Variants in SEMA6A observed in about 807,000 individuals in gnomAD.
SEMA6A encodes semaphorin-6A.
A neutral mutation model predicts 96.8 loss-of-function variants in SEMA6A; 25 were observed. That is an observed-to-expected ratio of 0.26 (90% CI 0.19 to 0.36). The LOEUF (loss-of-function observed/expected upper bound fraction) is 0.36, where lower values mean the gene tolerates loss of function less well. Ranked by LOEUF, SEMA6A falls within the 10% of genes least tolerant of loss-of-function variation. The pLI is 1.00. For missense variants in SEMA6A, 1,363 were observed against 1,323.1 expected (o/e 1.03, Z -0.47); for synonymous variants, 612 against 518.0 (o/e 1.18, Z -2.46).
intron 1 of SEMA6A, among the ~76,000 whole-genome samples, chr5:116,572,619 G>C (rs1047603247): frequency 6.6e-6 from 1 of 152,178 alleles, no homozygotes; most frequent in Non-Finnish European, 1.5e-5. Flanking sequence ...CCCGGCCTGT[G>C]TCCACACGCA....
chr5:116,472,938 A>AT (rs1561479317), intron 17 of SEMA6A, 135 bp downstream of exon 17: 1 of 1,528,326 alleles, frequency 6.5e-7, no homozygotes, highest in Admixed American at 2.1e-5. Context: ...TGAAATGTCT[A>AT]TAAAAAAATG....
chr5:116,453,633 G>C (rs940203322), intron 18 of SEMA6A, among the ~76,000 whole-genome samples: 1 of 152,154 alleles, frequency 6.6e-6, no homozygotes, highest in East Asian at 1.9e-4. Flanking sequence ...GAAAGTTCTT[G>C]GTTAATTTAT....
At chr5:116,451,386 G>T (rs1392252041) in intron 18 of SEMA6A, among the ~76,000 whole-genome samples, 3 of 152,186 alleles carry the variant, frequency 2.0e-5, no homozygotes, top group African/African-American at 7.2e-5. Context: ...TGTGCTTCCA[G>T]GTCCAAACTT....
intron 1 of SEMA6A, among the ~76,000 whole-genome samples, chr5:116,536,776 A>T (rs1358206132): frequency 6.9e-6 from 1 of 145,126 alleles, no homozygotes; most frequent in East Asian, 2.2e-4. Context: ...TGTCCGCGGG[A>T]GATGTTCTCA....
chr5:116,544,170 G>A (rs1016663240), intron 1 of SEMA6A, among the ~76,000 whole-genome samples: 4 of 152,162 alleles, frequency 2.6e-5, no homozygotes, highest in African/African-American at 7.2e-5. Flanking sequence ...TTTCCTTTCT[G>A]ATCCACTTTC....
chr5:116,561,072 A>G (rs7730674), intron 1 of SEMA6A, among the ~76,000 whole-genome samples: 40,208 of 152,024 alleles, frequency 0.26, 5,427 homozygotes, highest in African/African-American at 0.31. Flanking sequence ...CCTTGTCCAC[A>G]CCCTTCCCTT....
At chr5:116,546,496 A>G (rs189592312) in intron 1 of SEMA6A, among the ~76,000 whole-genome samples, 137 of 152,320 alleles carry the variant, frequency 9.0e-4, no homozygotes, top group African/African-American at 3.2e-3. Flanking sequence ...ATGAATGTGT[A>G]TGCCAATCAC....
chr5:116,529,558 G>C (rs1296368279), intron 1 of SEMA6A, among the ~76,000 whole-genome samples: 1 of 151,950 alleles, frequency 6.6e-6, no homozygotes, highest in Non-Finnish European at 1.5e-5. Flanking sequence ...AATAATAAAG[G>C]AGGGAAAAAA....
Position 116,478,061 on chromosome 5 carries a change from C to T in SEMA6A, c.1521G>A (p.Val507=). 1 of 1,613,992 alleles carries T rather than the reference C, an allele frequency of 6.2e-7. No homozygotes were observed. Among genetic ancestry groups the T allele is most frequent in the African/African-American group, 1.3e-5 (1 of 75,062 alleles). ...SSLYVAFSTC[V]IKVPLGRCER... is the part of the protein sequence containing the mutation. ...CACACCGGCCAAGGGGAACCTTTAT[C>T]ACACAGGTAGAGAACGCAACATACA... Residue 507 remains valine (V), a synonymous_variant, in exon 14 of 19, where the codon GTG becomes GTA. Coordinates refer to ENST00000343348, the MANE Select transcript of SEMA6A (RefSeq NM_020796.5).
intron 10 of SEMA6A, among the ~76,000 whole-genome samples, chr5:116,484,636 TAA>T (rs1203226893): frequency 1.8e-5 from 2 of 112,602 alleles, no homozygotes; most frequent in Non-Finnish European, 4.0e-5. Flanking sequence ...AAAAAAAAAA[TAA>T]TAATAATAAT....
intron 2 of SEMA6A, among the ~76,000 whole-genome samples, chr5:116,503,667 G>A (rs1260263420): frequency 6.6e-6 from 1 of 151,912 alleles, no homozygotes; most frequent in East Asian, 1.9e-4. Flanking sequence ...GCACCACCAT[G>A]CCCAGCTGAT....
At chr5:116,479,047 T>G (rs1415424435) in intron 12 of SEMA6A, among the ~76,000 whole-genome samples, 1 of 152,062 alleles carries the variant, frequency 6.6e-6, no homozygotes, top group East Asian at 1.9e-4. Context: ...AAGACTAATG[T>G]CTCCTATGAG....
chr5:116,446,578 C>T lies in SEMA6A; in HGVS notation c.*35G>A, dbSNP rs1754223546. On this transcript the variant is annotated 3_prime_UTR_variant, in exon 19 of 19. Transcript: ENST00000343348. ...GAGCTGAGCGGGCACCTCGCCTTGCCTGCTGGTTCGACACCTGACCCCCTC... is the reference window on the plus strand; with the variant it reads ...GAGCTGAGCGGGCACCTCGCCTTGCTTGCTGGTTCGACACCTGACCCCCTC... 2 of 1,450,840 alleles carry T rather than the reference C, an allele frequency of 1.4e-6. No homozygotes were observed. The highest frequency in any genetic ancestry group is 2.5e-5 in the East Asian group (1 of 40,194). 89.9% of individuals were successfully genotyped at this position (1,450,840 alleles called of 1,614,324 possible).
At position 116,522,724 on chromosome 5, in the gene SEMA6A, CT is replaced by C. The variant is rs143112251; in HGVS notation, c.-38-17743del. ...GGGATTCCAGTACTGCAGATGGGAA[CT>C]TTTTTTTTTCTCCCTTCTCTATCTG... On this transcript the variant is annotated intron_variant, in intron 1 of 18. Coordinates refer to ENST00000343348, the MANE Select transcript of SEMA6A (RefSeq NM_020796.5). Among the ~76,000 whole-genome samples the C allele has an allele frequency of 6.8e-3, 1,018 of 150,426 alleles. 8 individuals carry two copies. Among genetic ancestry groups the C allele is most frequent in the African/African-American group, 0.023 (953 of 41,002 alleles).
chr5:116,468,839 G>A (rs906985950), intron 17 of SEMA6A: 33 of 152,038 alleles, frequency 2.2e-4, no homozygotes, highest in African/African-American at 7.5e-4. Context: ...TGGAAAGTAG[G>A]GCAGACTCAC....
At chr5:116,516,546 G>A (rs1005592641) in intron 1 of SEMA6A, among the ~76,000 whole-genome samples, 1 of 151,722 alleles carries the variant, frequency 6.6e-6, no homozygotes, top group Non-Finnish European at 1.5e-5. Context: ...TTACTTTTAT[G>A]TAAAAAGTGA....
chr5:116,573,880 C>T (rs964129856), intron 1 of SEMA6A, among the ~76,000 whole-genome samples: 1 of 152,054 alleles, frequency 6.6e-6, no homozygotes, highest in Non-Finnish European at 1.5e-5. Flanking sequence ...GCACACACAC[C>T]CCCAGGAGGA....
chr5:116,535,529 C>G (rs1352276182), intron 1 of SEMA6A, among the ~76,000 whole-genome samples: 1 of 152,154 alleles, frequency 6.6e-6, no homozygotes, highest in African/African-American at 2.4e-5. Flanking sequence ...CAAGGTAATA[C>G]CACAGTTATG....
intron 18 of SEMA6A, among the ~76,000 whole-genome samples, chr5:116,463,482 A>G (rs1755540904): frequency 6.6e-6 from 1 of 152,238 alleles, no homozygotes; most frequent in Admixed American, 6.5e-5. Context: ...GATCTTATGA[A>G]TCTTACCGGA....
Sources: allele counts gnomAD v4.1 joint callset (sites outside exome capture counted in the v4.1 genomes callset), GRCh38; gene constraint gnomAD v4.1.1; transcripts MANE v1.5; gene names NCBI Gene and HGNC (gene_info 2026-07-23, HGNC 2026-07-21).